The following RASSF7 variants were observed in gnomAD, a reference collection of about 807,000 sequenced individuals.
RASSF7 encodes the protein Ras association domain family member 7.
In RASSF7, 41 loss-of-function variants were observed where a neutral mutation model predicts 33.8. The ratio of observed to expected loss-of-function variants is 1.21; its 90% CI spans 0.95 to 1.57. The LOEUF is 1.57. Ranked by LOEUF, RASSF7 falls within the 40% of genes most tolerant of loss-of-function variation. The probability of loss-of-function intolerance (pLI) is 0.00; values close to 1 mark genes in which losing one functional copy is unlikely to be tolerated. For synonymous variants in RASSF7, 298 were observed against 212.8 expected (o/e 1.40, Z -3.48); for missense variants, 622 against 497.0 (o/e 1.25, Z -2.39).
Position 562,305 on chromosome 11 carries a change from G to T in RASSF7, c.351G>T (p.Arg117=). The part of the protein sequence containing the change: ...LIRASLPVKP[R]AALGCEPRKT... The stretch of plus-strand genomic sequence containing the variant: ...GTGCCAGCCTCCCTGTAAAGCCACG[G>T]GCTGCGCTGGGCTGTGAGCCCCGCA... Residue 117 remains arginine, a synonymous_variant, in exon 3 of 6, where the codon CGG becomes CGT. Transcript: ENST00000397583. 3 of 1,612,146 alleles carry T rather than the reference G, an allele frequency of 1.9e-6. No homozygotes were observed. The South Asian group carries it at 3.3e-5, about 18-fold the overall frequency.
At position 563,914 on chromosome 11, in the gene RASSF7, T is replaced by A. The variant is rs1268596278; in HGVS notation, c.*269T>A. 1 of 557,384 alleles carries A rather than the reference T, an allele frequency of 1.8e-6. No individual in the cohort carries two copies. The highest frequency in any genetic ancestry group is 3.2e-6 in the Non-Finnish European group (1 of 314,700). The allele number at this position is 557,384 out of a possible 1,614,324, so 34.5% of individuals were successfully genotyped here. On this transcript the variant is annotated 3_prime_UTR_variant, in exon 6 of 6. Coordinates refer to ENST00000397583, the MANE Select transcript of RASSF7 (RefSeq NM_003475.4). The stretch of plus-strand genomic sequence containing the variant: ...GGACAGTGTGCTCAAGCTGTGGGCA[T>A]GTGCTTGCCTGCGGGAGAGGTCCTT...
chr11:561,717 T>C, intron 1 of RASSF7, 45 bp from the exon 2 acceptor site: 6 of 1,609,762 alleles, frequency 3.7e-6, no homozygotes, highest in Non-Finnish European at 5.1e-6. Context: ...CAGCCTGCGA[T>C]AGGAGTAGGC....
Position 561,762 on chromosome 11 carries a change from G to A in RASSF7, c.-7G>A, listed in dbSNP as rs759077574. On this transcript the variant is annotated splice_region_variant and 5_prime_UTR_variant, in exon 2 of 6. Coordinates refer to ENST00000397583, the MANE Select transcript of RASSF7 (RefSeq NM_003475.4). ...CCCGGTGCCTGCGCCCTCCCCACAG[G>A]ACAGGCATGTTGTTGGGACTGGCGG... is the stretch of plus-strand genomic sequence containing the variant. 1.9e-6 allele frequency: 3 copies of A among 1,613,356 alleles called. No individual in the cohort carries two copies. Among genetic ancestry groups the A allele is most frequent in the Non-Finnish European group, 2.5e-6 (3 of 1,179,996 alleles).
At position 561,875 on chromosome 11, in the gene RASSF7, C is replaced by A. The variant is rs376525434; in HGVS notation, c.107C>A (p.Ala36Glu). 1.2e-6 allele frequency: 2 copies of A among 1,613,560 alleles called. No homozygotes were observed. The highest frequency in any genetic ancestry group is 1.7e-4 in the Middle Eastern group (1 of 6,060). The change falls in exon 2 of 6, where the codon GCA becomes GAA. Residue 36 changes from alanine to glutamate, a missense_variant. Coordinates refer to ENST00000397583, the MANE Select transcript of RASSF7 (RefSeq NM_003475.4). Reference protein sequence around the residue: ...EQTTCQEVVIALAQAIGQTGR... With the variant: ...EQTTCQEVVIELAQAIGQTGR... ...ACCACCTGCCAGGAAGTGGTCATCG[C>A]ACTAGCCCAAGCAATAGGTGAGTCC...
At chr11:563,499 C>T in intron 5 of RASSF7, 21 bp downstream of exon 5, 2 of 1,609,716 alleles carry the variant, frequency 1.2e-6, no homozygotes, top group Non-Finnish European at 8.5e-7. Flanking sequence ...GCCCCACCTC[C>T]CCCTGGGGCA....
rs1377447886 is a variant in RASSF7, at chr11:563,427, T to C, written c.983T>C (p.Leu328Pro). The C allele has an allele frequency of 6.2e-7, 1 of 1,611,830 alleles. No individual in the cohort carries two copies. Among genetic ancestry groups the C allele is most frequent in the African/African-American group, 1.3e-5 (1 of 74,970 alleles). Reference protein sequence around the residue: ...GPLPPAREESLLGAPSESHAG... With the variant: ...GPLPPAREESPLGAPSESHAG... Reference sequence around the variant, plus strand: ...CTGCCTCCAGCCAGAGAGGAGTCCCTCCTGGGCGCTCCCTCTGAGTCCCAT... The same window carrying C: ...CTGCCTCCAGCCAGAGAGGAGTCCCCCCTGGGCGCTCCCTCTGAGTCCCAT... The change falls in exon 5 of 6, where the codon CTC (leucine) becomes CCC (proline). Residue 328 changes from leucine (L) to proline (P), a missense_variant. Coordinates refer to ENST00000397583, the MANE Select transcript of RASSF7 (RefSeq NM_003475.4).
intron 2 of RASSF7, 30 bp from the exon 3 acceptor site, chr11:562,049 C>G (rs1853349244): frequency 6.7e-7 from 1 of 1,500,212 alleles, no homozygotes; most frequent in Non-Finnish European, 8.9e-7. Context: ...GTCGGGGGGA[C>G]ATAGGCTGAC....
chr11:562,420 C>CG lies in RASSF7; in HGVS notation c.470dup (p.Leu158ProfsTer10). ...CACACCAGGCTGCTGCACAGACCTG[C>CG]GGGGCCTGGAGCTCAGGGTGCAGAG... On this transcript the variant is annotated frameshift_variant, in exon 3 of 6. Coordinates refer to ENST00000397583, the MANE Select transcript of RASSF7 (RefSeq NM_003475.4). LOFTEE classifies it high-confidence loss of function. The CG allele has an allele frequency of 6.4e-7, 1 of 1,557,308 alleles. No homozygotes were observed. Among genetic ancestry groups the CG allele is most frequent in the Non-Finnish European group, 8.7e-7 (1 of 1,150,398 alleles).
chr11:563,608 A>T lies in RASSF7; in HGVS notation c.1085A>T (p.Glu362Val). ...GAGGTAGCAGCAGCTCCTGCCCCAGAGTGGTGTCCTCTGGCAGCCCAGCCC... is the reference window on the plus strand; with the variant it reads ...GAGGTAGCAGCAGCTCCTGCCCCAGTGTGGTGTCCTCTGGCAGCCCAGCCC... ...LLEVAAAPAP[E>V]WCPLAAQPQA... Residue 362 changes from glutamate to valine, a missense_variant, in exon 6 of 6, where the codon GAG (glutamate) becomes GTG (valine). Transcript: ENST00000397583. 3 of 1,611,762 alleles carry T rather than the reference A, an allele frequency of 1.9e-6. No homozygotes were observed. The highest frequency in any genetic ancestry group is 1.7e-6 in the Non-Finnish European group (2 of 1,179,844).
chr11:561,141 G>T lies in RASSF7; in HGVS notation c.-344G>T, dbSNP rs997287850. Reference sequence around the variant, plus strand: ...TTTCCGCGATGCCCGGACGGAGAGCGGGGGCGGCGCCGCACCTGCGCCCGC... The same window carrying T: ...TTTCCGCGATGCCCGGACGGAGAGCTGGGGCGGCGCCGCACCTGCGCCCGC... On this transcript the variant is annotated 5_prime_UTR_variant, in exon 1 of 6. Coordinates refer to ENST00000397583, the MANE Select transcript of RASSF7 (RefSeq NM_003475.4). 3.0e-6 allele frequency: 3 copies of T among 984,842 alleles called. No homozygotes were observed. The South Asian group carries it at 1.4e-4, about 46-fold the overall frequency. 61.0% of individuals were successfully genotyped at this position (984,842 alleles called of 1,614,324 possible).
In RASSF7 at chr11:561,413, C is replaced by T. The variant is rs1853294232; in HGVS notation, c.-72C>T. The T allele has an allele frequency of 1.8e-6, 2 of 1,129,286 alleles. No individual in the cohort carries two copies. Among genetic ancestry groups the T allele is most frequent in the Non-Finnish European group, 2.2e-6 (2 of 918,202 alleles). The allele number at this position is 1,129,286 out of a possible 1,614,324, so 70.0% of individuals were successfully genotyped here. On this transcript the variant is annotated 5_prime_UTR_variant, in exon 1 of 6. Coordinates refer to ENST00000397583, the MANE Select transcript of RASSF7 (RefSeq NM_003475.4). ...GGGTGGGGCGTTCCCATGCCGGCGG[C>T]CGCGGGGCCTGGCGTGCGGGCGCCT...
chr11:561,422 C>T lies in RASSF7; in HGVS notation c.-63C>T, dbSNP rs533825102. ...GTTCCCATGCCGGCGGCCGCGGGGC[C>T]TGGCGTGCGGGCGCCTCCGCGCCGC... On this transcript the variant is annotated 5_prime_UTR_variant, in exon 1 of 6. Transcript: ENST00000397583. 1.5e-5 allele frequency: 17 copies of T among 1,143,342 alleles called. No individual in the cohort carries two copies. The South Asian group carries it at 3.1e-4, about 21-fold the overall frequency. The allele number at this position is 1,143,342 out of a possible 1,614,324, so 70.8% of individuals were successfully genotyped here. A position where few individuals can be genotyped will look rare whatever the true frequency, so the allele number is the denominator to read the frequency against.
Position 561,222 on chromosome 11 carries a change from C to T in RASSF7, c.-263C>T. 1 of 985,106 alleles carries T rather than the reference C, an allele frequency of 1.0e-6. No homozygotes were observed. The highest frequency in any genetic ancestry group is 1.2e-6 in the Non-Finnish European group (1 of 829,834). 61.0% of individuals were successfully genotyped at this position (985,106 alleles called of 1,614,324 possible). ...CAGGCTGGGGTCGCGGCGCGGGCTT[C>T]GGTGCCCGCGGCGGGGACCGGGACT... On this transcript the variant is annotated 5_prime_UTR_variant, in exon 1 of 6. Transcript: ENST00000397583.
At position 562,245 on chromosome 11, in the gene RASSF7, A is replaced by G. The variant is rs1853361467; in HGVS notation, c.291A>G (p.Ser97=). 1 of 1,612,862 alleles carries G rather than the reference A, an allele frequency of 6.2e-7. No individual in the cohort carries two copies. The highest frequency in any genetic ancestry group is 8.5e-7 in the Non-Finnish European group (1 of 1,179,912). ...CCAGCCTAGCTGGGAGGCCCTCCTC[A>G]GACAGCTGTCCACCCCCGGAACGCT... ...TGPSLAGRPS[S]DSCPPPERCL... is the part of the protein sequence containing the mutation. The change falls in exon 3 of 6, where the codon TCA becomes TCG. Residue 97 remains serine (S), a synonymous_variant. Coordinates refer to ENST00000397583, the MANE Select transcript of RASSF7 (RefSeq NM_003475.4).
At chr11:561,620 G>T in intron 1 of RASSF7, 142 bp from the exon 2 acceptor site, 2 of 1,416,936 alleles carry the variant, frequency 1.4e-6, no homozygotes, top group Non-Finnish European at 1.9e-6. Context: ...CTGGCGGGTG[G>T]GGCTGGCACA....
intron 1 of RASSF7, 97 bp downstream of exon 1, chr11:561,574 C>T (rs1203141625): frequency 2.9e-6 from 4 of 1,391,314 alleles, no homozygotes; most frequent in African/African-American, 1.5e-5. Flanking sequence ...GGGGAGGATG[C>T]GTGCTCCGGA....
At chr11:563,158 T>C in intron 3 of RASSF7, 31 bp from the exon 4 acceptor site, 2 of 1,535,480 alleles carry the variant, frequency 1.3e-6, no homozygotes, top group South Asian at 1.2e-5. Flanking sequence ...GCCCAGTGGC[T>C]GTGCCTCCTA....
rs1206491599 is a variant in RASSF7 at position 562,493 on chromosome 11, G to A, written c.539G>A (p.Arg180His). The change falls in exon 3 of 6, where the codon CGC becomes CAC. Residue 180 changes from arginine (R) to histidine (H), a missense_variant. By Grantham distance (29) the Arg-to-His change is conservative (BLOSUM62 0). Transcript: ENST00000397583. ...GHEAFWEQEL[R>H]REQAREREGQ... Reference sequence around the variant, plus strand: ...GAGGCCTTCTGGGAGCAAGAGCTGCGCCGGGAGCAGGCCCGGGAGCGAGAG... The same window carrying A: ...GAGGCCTTCTGGGAGCAAGAGCTGCACCGGGAGCAGGCCCGGGAGCGAGAG... 12 of 1,549,922 alleles carry A rather than the reference G, an allele frequency of 7.7e-6. No homozygotes were observed. The highest frequency in any genetic ancestry group is 3.6e-5 in the South Asian group (3 of 84,098).
rs755449034 is a variant in RASSF7 at position 563,675 on chromosome 11, G to T, written c.*30G>T. The T allele has an allele frequency of 1.9e-6, 3 of 1,570,738 alleles. No individual in the cohort carries two copies. Among genetic ancestry groups the T allele is most frequent in the Non-Finnish European group, 1.7e-6 (2 of 1,155,832 alleles). ...CTAGTGAGGGCTGCAAGACCATCCT[G>T]CCCGGACCACAGAAGGAGAGTTGGC... On this transcript the variant is annotated 3_prime_UTR_variant, in exon 6 of 6. Coordinates refer to ENST00000397583, the MANE Select transcript of RASSF7 (RefSeq NM_003475.4).
Sources: allele counts gnomAD v4.1 joint callset, GRCh38; gene constraint gnomAD v4.1.1; transcripts MANE v1.5; gene names NCBI Gene and HGNC (gene_info 2026-07-23, HGNC 2026-07-21).